Variants in VCAM1 observed in about 807,000 individuals in gnomAD.
The protein encoded by VCAM1 is vascular cell adhesion molecule 1, also known as vascular cell adhesion protein 1.
Under a neutral mutation model 63.8 loss-of-function variants are expected in VCAM1, and 41 were observed. That is an observed-to-expected ratio of 0.64 (90% CI 0.50 to 0.83). The LOEUF (loss-of-function observed/expected upper bound fraction) is 0.83, where lower values mean the gene tolerates loss of function less well. Among genes scored for constraint, VCAM1 ranks in the 40% least tolerant of loss-of-function variants. VCAM1 has a pLI of 0.00. For missense variants in VCAM1, 798 were observed against 875.5 expected (o/e 0.91, Z 1.12); for synonymous variants, 338 against 320.7 (o/e 1.05, Z -0.58).
chr1:100,723,025 C>T lies in VCAM1; in HGVS notation c.346C>T (p.Pro116Ser). The T allele has an allele frequency of 6.2e-7, 1 of 1,606,814 alleles. No individual in the cohort carries two copies. The highest frequency in any genetic ancestry group is 2.2e-5 in the East Asian group (1 of 44,772). ...KGIQVEIYSF[P>S]KDPEIHLSGP... ...TATTTGTTTGGCCTTTTCAGCTTTT[C>T]CTAAGGATCCAGAGATTCATTTGAG... The change falls in exon 3 of 9, where the codon CCT becomes TCT. Residue 116 changes from proline to serine, a missense_variant. By Grantham distance (74) the Pro-to-Ser change is moderately conservative (BLOSUM62 -1). Coordinates refer to ENST00000294728, the MANE Select transcript of VCAM1 (RefSeq NM_001078.4).
At position 100,729,195 on chromosome 1, in the gene VCAM1, C is replaced by T; in HGVS notation, c.1017C>T (p.Gly339=). The change falls in exon 5 of 9, where the codon GGC becomes GGT. Residue 339 remains glycine, a synonymous_variant. Coordinates refer to ENST00000294728, the MANE Select transcript of VCAM1 (RefSeq NM_001078.4). ...TCATGTTGACATGTAGTGTCATGGG[C>T]TGTGAATCCCCATCTTTCTCCTGGA... ...DSVMLTCSVM[G]CESPSFSWRT... is the part of the protein sequence containing the mutation. 6.2e-7 allele frequency: 1 copy of T among 1,613,580 alleles called. No homozygotes were observed. Among genetic ancestry groups the T allele is most frequent in the South Asian group, 1.1e-5 (1 of 91,056 alleles).
rs888719733 is a variant in VCAM1 at position 100,725,931 on chromosome 1, G to A, written c.928+1041G>A. Reference sequence around the variant, plus strand: ...GATACATTTGAAATTCACTTTCTTAGCTATTTTTAAATATACAATATATTA... The same window carrying A: ...GATACATTTGAAATTCACTTTCTTAACTATTTTTAAATATACAATATATTA... On this transcript the variant is annotated intron_variant, in intron 4 of 8. Coordinates refer to ENST00000294728, the MANE Select transcript of VCAM1 (RefSeq NM_001078.4). Among the ~76,000 whole-genome samples, 11 of 151,960 alleles carry A rather than the reference G, an allele frequency of 7.2e-5. 1 individual carries two copies. Among genetic ancestry groups the A allele is most frequent in the Admixed American group, 6.6e-4 (10 of 15,250 alleles).
chr1:100,725,453 C>T (rs1188410571), intron 4 of VCAM1, among the ~76,000 whole-genome samples: 1 of 152,022 alleles, frequency 6.6e-6, no homozygotes, highest in Non-Finnish European at 1.5e-5. Flanking sequence ...CATATGCCAT[C>T]CTCAAGAAAT....
At position 100,719,889 on chromosome 1, in the gene VCAM1, G is replaced by A; in HGVS notation, c.29G>A (p.Gly10Glu). The change falls in exon 1 of 9, where the codon GGA becomes GAA. Residue 10 changes from glycine to glutamate, a missense_variant. Transcript: ENST00000294728. ...CCTGGGAAGATGGTCGTGATCCTTG[G>A]AGCCTCAAATATACTTTGGATAATG... Reference protein sequence around the residue: MPGKMVVILGASNILWIMFA... With the variant: MPGKMVVILEASNILWIMFA... 6.2e-7 allele frequency: 1 copy of A among 1,611,492 alleles called. No homozygotes were observed. Among genetic ancestry groups the A allele is most frequent in the Non-Finnish European group, 8.5e-7 (1 of 1,178,334 alleles).
At chr1:100,721,261 G>A (rs1010957611) in intron 2 of VCAM1, among the ~76,000 whole-genome samples, 1 of 151,978 alleles carries the variant, frequency 6.6e-6, no homozygotes, top group Non-Finnish European at 1.5e-5. Flanking sequence ...TTAATATCTG[G>A]AAACATTTCA....
chr1:100,723,978 A>G (rs1171977051), intron 3 of VCAM1, among the ~76,000 whole-genome samples: 4 of 152,080 alleles, frequency 2.6e-5, no homozygotes, highest in Non-Finnish European at 5.9e-5. Flanking sequence ...AGTATTGCCA[A>G]CTACGGCATG....
Position 100,731,432 on chromosome 1 carries a change from C to T in VCAM1, c.1439C>T (p.Ala480Val), listed in dbSNP as rs761338250. The change falls in exon 6 of 9, where the codon GCT becomes GTT. Residue 480 changes from alanine (A) to valine (V), a missense_variant. Physicochemically the swap from Ala to Val is moderately conservative, Grantham distance 64. Transcript: ENST00000294728. The surrounding 1 kb of genome is among the most constrained non-coding windows in gnomAD (Gnocchi z 4.2). ...FIPTIEDTGK[A>V]LVCQAKLHID... is the part of the protein sequence containing the mutation. ...CCTACCATTGAAGATACTGGAAAAG[C>T]TCTTGTTTGTCAGGCTAAGTTACAT... The T allele has an allele frequency of 4.3e-6, 7 of 1,613,762 alleles. No individual in the cohort carries two copies. The Admixed American group carries it at 1.0e-4, about 23-fold the overall frequency.
Position 100,729,093 on chromosome 1 carries a change from C to A in VCAM1, c.929-14C>A. On this transcript the variant is annotated splice_polypyrimidine_tract_variant and intron_variant, in intron 4 of 8. Transcript: ENST00000294728. The stretch of plus-strand genomic sequence containing the variant: ...CTTATGTTCTTTTCATCTTGTTTTC[C>A]ACCTGTGTCCCAGAGAAACCATTTA... 6.7e-7 allele frequency: 1 copy of A among 1,493,604 alleles called. No homozygotes were observed. Among genetic ancestry groups the A allele is most frequent in the Non-Finnish European group, 8.9e-7 (1 of 1,119,850 alleles). 92.5% of individuals were successfully genotyped at this position (1,493,604 alleles called of 1,614,324 possible).
At position 100,723,271 on chromosome 1, in the gene VCAM1, A is replaced by G; in HGVS notation, c.592A>G (p.Lys198Glu). The G allele has an allele frequency of 3.1e-6, 5 of 1,613,148 alleles. No homozygotes were observed. The South Asian group carries it at 4.4e-5, about 14-fold the overall frequency. ...DIGKVLVCRA[K>E]LHIDEMDSVP... ...TGGAAAAGTTCTTGTTTGCCGAGCT[A>G]AATTACACATTGATGAAATGGATTC... is the stretch of plus-strand genomic sequence containing the variant. The change falls in exon 3 of 9, where the codon AAA becomes GAA. Residue 198 changes from lysine (K) to glutamate (E), a missense_variant. Coordinates refer to ENST00000294728, the MANE Select transcript of VCAM1 (RefSeq NM_001078.4).
rs1660446236 is a variant in VCAM1, at chr1:100,731,308, G to C, written c.1315G>C (p.Glu439Gln). Residue 439 changes from glutamate to glutamine, a missense_variant, in exon 6 of 9, where the codon GAA (glutamate) becomes CAA (glutamine). Transcript: ENST00000294728. This position sits in a 1 kb window ranked among gnomAD's most constrained non-coding sequence, Gnocchi z 4.2. Reference protein sequence around the residue: ...SVYPLDRLEIELLKGETILEN... With the variant: ...SVYPLDRLEIQLLKGETILEN... ...GTACCCCCTTGACCGGCTGGAGATT[G>C]AATTACTTAAGGGGGAGACTATTCT... The C allele has an allele frequency of 6.2e-7, 1 of 1,613,812 alleles. No homozygotes were observed. Among genetic ancestry groups the C allele is most frequent in the Non-Finnish European group, 8.5e-7 (1 of 1,179,854 alleles).
chr1:100,722,901 G>T, intron 2 of VCAM1, 119 bp from the exon 3 acceptor site: 1 of 1,137,990 alleles, frequency 8.8e-7, no homozygotes, highest in East Asian at 2.6e-5. Flanking sequence ...AAACAGTTCT[G>T]TCGTATTAAG....
intron 1 of VCAM1, among the ~76,000 whole-genome samples, 166 bp from the exon 2 acceptor site, chr1:100,720,309 CT>C (rs948879176): frequency 2.0e-5 from 3 of 152,030 alleles, no homozygotes; most frequent in Admixed American, 6.6e-5. Context: ...ATTCCATAAA[CT>C]TTTTTGGCAG....
intron 4 of VCAM1, among the ~76,000 whole-genome samples, chr1:100,725,975 A>AT (rs1190346808): frequency 1.3e-5 from 2 of 152,010 alleles, no homozygotes; most frequent in African/African-American, 4.8e-5. Context: ...TATAGTCATC[A>AT]TGATGTACAA....
chr1:100,730,650 G>C (rs542464501), intron 5 of VCAM1, among the ~76,000 whole-genome samples: 1 of 152,168 alleles, frequency 6.6e-6, no homozygotes, highest in Non-Finnish European at 1.5e-5. Context: ...TGGGCTCTGA[G>C]GTCAGAGAAA....
chr1:100,731,119 G>A lies in VCAM1; in HGVS notation c.1205-79G>A. ...GGTGACTTAAAGCTGTCATTTTTAGGCCTTTACATTTAATAAAGCTTAGCT... is the reference window on the plus strand; with the variant it reads ...GGTGACTTAAAGCTGTCATTTTTAGACCTTTACATTTAATAAAGCTTAGCT... On this transcript the variant is annotated intron_variant, in intron 5 of 8. Coordinates refer to ENST00000294728, the MANE Select transcript of VCAM1 (RefSeq NM_001078.4). This position sits in a 1 kb window ranked among gnomAD's most constrained non-coding sequence, Gnocchi z 4.2. The A allele has an allele frequency of 2.1e-6, 3 of 1,401,336 alleles. No homozygotes were observed. The highest frequency in any genetic ancestry group is 1.4e-5 in the African/African-American group (1 of 68,984). The allele number at this position is 1,401,336 out of a possible 1,614,324, so 86.8% of individuals were successfully genotyped here.
At position 100,731,688 on chromosome 1, in the gene VCAM1, A is replaced by C. The variant is rs1660462501; in HGVS notation, c.1525+170A>C. Among the ~76,000 whole-genome samples, 1 of 152,192 alleles carries C rather than the reference A, an allele frequency of 6.6e-6. No homozygotes were observed. Among genetic ancestry groups the C allele is most frequent in the African/African-American group, 2.4e-5 (1 of 41,458 alleles). On this transcript the variant is annotated intron_variant, in intron 6 of 8. Transcript: ENST00000294728. This position sits in a 1 kb window ranked among gnomAD's most constrained non-coding sequence, Gnocchi z 4.2. ...AACAAATCACCCTCCCTAAACTTAAAATAGTAACTATTTACTGGCTTATGA... is the reference window on the plus strand; with the variant it reads ...AACAAATCACCCTCCCTAAACTTAACATAGTAACTATTTACTGGCTTATGA...
rs1042670206 is a variant in VCAM1, at chr1:100,738,975, C to T, written c.*692C>T. 1 of 152,106 alleles carries T rather than the reference C, an allele frequency of 6.6e-6. No individual in the cohort carries two copies. Among genetic ancestry groups the T allele is most frequent in the African/African-American group, 2.4e-5 (1 of 41,420 alleles). The allele number at this position is 152,106 out of a possible 1,614,324, so 9.4% of individuals were successfully genotyped here. ...TTCCCAATGTGGCCTAAAAATGCAA[C>T]TTCTTTTTATTTTCTTTTGTAAATG... On this transcript the variant is annotated 3_prime_UTR_variant, in exon 9 of 9. Transcript: ENST00000294728.
At chr1:100,723,899 G>A (rs1480039301) in intron 3 of VCAM1, among the ~76,000 whole-genome samples, 1 of 152,006 alleles carries the variant, frequency 6.6e-6, no homozygotes, top group Non-Finnish European at 1.5e-5. Flanking sequence ...CGTTGTGTAG[G>A]AGTGGCCTCA....
chr1:100,723,757 GTGT>G (rs1660054926), intron 3 of VCAM1, among the ~76,000 whole-genome samples: 2 of 152,052 alleles, frequency 1.3e-5, no homozygotes, highest in Admixed American at 1.3e-4. Context: ...TATTCTGTGT[GTGT>G]ATGTGTGTGT....
Sources: allele counts gnomAD v4.1 joint callset (sites outside exome capture counted in the v4.1 genomes callset), GRCh38; gene constraint gnomAD v4.1.1; non-coding constraint Gnocchi (gnomAD v3.1); transcripts MANE v1.5; gene names NCBI Gene and HGNC (gene_info 2026-07-23, HGNC 2026-07-21).